Variants in ANKRD31 observed in about 807,000 individuals in gnomAD.
ANKRD31 encodes the protein ankyrin repeat domain 31.
ANKRD31 carries 147 observed loss-of-function variants against 186.0 expected under a neutral mutation model. The observed-to-expected ratio is 0.79, with a 90% confidence interval of 0.69 to 0.91. The LOEUF is 0.91. ANKRD31 is among the 40% of genes least tolerant of loss of function. The pLI, the probability that ANKRD31 is intolerant of heterozygous loss-of-function variation, is 0.00. For synonymous variants in ANKRD31, 673 were observed against 736.4 expected (o/e 0.91, Z 1.39); for missense variants, 1,986 against 2,148.8 (o/e 0.92, Z 1.50).
At chr5:75,112,705 TA>T (rs1017508384) in intron 19 of ANKRD31, 105 bp from the exon 20 acceptor site, 12 of 668,006 alleles carry the variant, frequency 1.8e-5, no homozygotes, top group Non-Finnish European at 2.7e-5. Flanking sequence ...AAAGTGTTCC[TA>T]AAAATGCTCA....
chr5:75,132,155 C>A (rs185728223), intron 17 of ANKRD31, among the ~76,000 whole-genome samples: 1 of 152,324 alleles, frequency 6.6e-6, no homozygotes, highest in East Asian at 1.9e-4. Context: ...CAAAGATGGA[C>A]AGAGAATGAC....
chr5:75,228,529 G>C (rs994485264), intron 2 of ANKRD31, among the ~76,000 whole-genome samples: 7 of 151,210 alleles, frequency 4.6e-5, no homozygotes, highest in African/African-American at 1.7e-4. Context: ...AAAGGTTGAA[G>C]TAAATAAATA....
intron 11 of ANKRD31, among the ~76,000 whole-genome samples, chr5:75,160,230 G>A (rs970621774): frequency 9.9e-5 from 15 of 151,914 alleles, no homozygotes; most frequent in African/African-American, 2.2e-4. Context: ...TTTGTTATAC[G>A]GAAACAATGT....
intron 18 of ANKRD31, 39 bp downstream of exon 18, chr5:75,118,096 T>G (rs1018334473): frequency 5.9e-5 from 77 of 1,312,102 alleles, no homozygotes; most frequent in Non-Finnish European, 5.1e-5. Context: ...AGCAGAGATA[T>G]ATCTCTATAT....
At chr5:75,235,273 T>G (rs544763257) in intron 1 of ANKRD31, among the ~76,000 whole-genome samples, 33 of 134,526 alleles carry the variant, frequency 2.5e-4, no homozygotes, top group African/African-American at 9.3e-4. Context: ...TGAGATAGAG[T>G]CTCACTCTGT....
At chr5:75,115,577 C>G (rs1316917404) in intron 19 of ANKRD31, among the ~76,000 whole-genome samples, 1 of 151,390 alleles carries the variant, frequency 6.6e-6, no homozygotes, top group Admixed American at 6.6e-5. Context: ...AAACAAACAA[C>G]CCCATCAAAA....
At position 75,195,615 on chromosome 5, in the gene ANKRD31, G is replaced by T; in HGVS notation, c.1017+16C>A. ...TGTTCAAATGGTGGAGTAGAACAAAGAAATTCAAAATTCACCTCTGCTATT... is the reference window on the plus strand; with the variant it reads ...TGTTCAAATGGTGGAGTAGAACAAATAAATTCAAAATTCACCTCTGCTATT... On this transcript the variant is annotated intron_variant, in intron 7 of 25. Coordinates refer to ENST00000506364, the MANE Select transcript of ANKRD31 (RefSeq NM_001372053.1). 6.7e-7 allele frequency: 1 copy of T among 1,492,634 alleles called. No individual in the cohort carries two copies. The highest frequency in any genetic ancestry group is 8.9e-7 in the Non-Finnish European group (1 of 1,123,812). 92.5% of individuals were successfully genotyped at this position (1,492,634 alleles called of 1,614,324 possible). A position where few individuals can be genotyped will look rare whatever the true frequency, so the allele number is the denominator to read the frequency against.
intron 23 of ANKRD31, among the ~76,000 whole-genome samples, chr5:75,087,528 G>A (rs1214649753): frequency 6.6e-6 from 1 of 151,728 alleles, no homozygotes; most frequent in East Asian, 1.9e-4. Flanking sequence ...AAAAAAGAAA[G>A]AAAAGAAATC....
intron 10 of ANKRD31, among the ~76,000 whole-genome samples, chr5:75,176,665 T>A (rs1296640992): frequency 6.6e-6 from 1 of 152,172 alleles, no homozygotes; most frequent in Non-Finnish European, 1.5e-5. Context: ...GACCTGCAGC[T>A]GAGGTTCCTG....
At chr5:75,087,629 A>G (rs1312987969) in intron 23 of ANKRD31, among the ~76,000 whole-genome samples, 7 of 152,232 alleles carry the variant, frequency 4.6e-5, no homozygotes, top group African/African-American at 1.4e-4. Flanking sequence ...GAGGAGTAGA[A>G]GGAAGAAAGA....
At chr5:75,149,579 G>T (rs1751712459) in intron 12 of ANKRD31, among the ~76,000 whole-genome samples, 1 of 151,798 alleles carries the variant, frequency 6.6e-6, no homozygotes. Flanking sequence ...CGTCTCTGGG[G>T]ACTCAATCCA....
rs762320086 is a variant in ANKRD31 at position 75,091,382 on chromosome 5, C to T, written c.5351G>A (p.Ser1784Asn). ...FKTQETTHKA[S>N]ILLNGKLKVE... is the part of the protein sequence containing the mutation. ...CTTAAGTTTACCATTCAATAAAATA[C>T]TGGCTTTGTGGGTAGTCTCCTGAAG... Residue 1784 changes from serine (S) to asparagine (N), a missense_variant, in exon 23 of 26, where the codon AGT (serine) becomes AAT (asparagine). Physicochemically the swap from Ser to Asn is conservative, Grantham distance 46 (BLOSUM62 1). Transcript: ENST00000506364. 13 of 1,536,446 alleles carry T rather than the reference C, an allele frequency of 8.5e-6. No homozygotes were observed. The highest frequency in any genetic ancestry group is 2.0e-5 in the Admixed American group (1 of 50,740).
At chr5:75,206,231 A>T (rs1756180391) in intron 5 of ANKRD31, among the ~76,000 whole-genome samples, 180 bp downstream of exon 5, 2 of 22,640 alleles carry the variant, frequency 8.8e-5, no homozygotes, top group African/African-American at 1.8e-4. Flanking sequence ...AAAAAAAAAA[A>T]AAAAAAAAAA....
rs1410995454 is a variant in ANKRD31, at chr5:75,104,382, T to C, written c.5177A>G (p.Gln1726Arg). The C allele has an allele frequency of 6.5e-7, 1 of 1,537,222 alleles. No individual in the cohort carries two copies. Residue 1726 changes from glutamine (Q) to arginine (R), a missense_variant, in exon 22 of 26, where the codon CAG (glutamine) becomes CGG (arginine). Gln to Arg is a conservative substitution (Grantham distance 43, BLOSUM62 1). Coordinates refer to ENST00000506364, the MANE Select transcript of ANKRD31 (RefSeq NM_001372053.1). ...VSVVPCADDS[Q>R]ISSSSGSGQQ... ...CCCAGATCCAGAGGAAGAGGAGATC[T>C]GACTGTCATCTGCACATGGAACAAC...
chr5:75,226,223 G>T (rs1757618321), intron 2 of ANKRD31, among the ~76,000 whole-genome samples: 2 of 152,178 alleles, frequency 1.3e-5, no homozygotes, highest in Non-Finnish European at 2.9e-5. Context: ...CCTGCCCGAG[G>T]ATTTGGGGAG....
At chr5:75,154,090 G>T in intron 12 of ANKRD31, 111 bp downstream of exon 12, 1 of 1,081,784 alleles carries the variant, frequency 9.2e-7, no homozygotes, top group South Asian at 3.0e-5. Flanking sequence ...CTATTGGATG[G>T]ATTTTCTCAA....
chr5:75,127,431 G>A (rs1749342939), intron 17 of ANKRD31, among the ~76,000 whole-genome samples: 2 of 152,212 alleles, frequency 1.3e-5, no homozygotes, highest in South Asian at 4.1e-4. Flanking sequence ...GTACAGGACA[G>A]CACTCTTTAA....
chr5:75,116,564 A>G lies in ANKRD31; in HGVS notation c.4155+2T>C. ...GAACAAAGTAATTTTAACTTCACTCACCACAGAAAGGCTTTCTCTTGATCT... is the reference window on the plus strand; with the variant it reads ...GAACAAAGTAATTTTAACTTCACTCGCCACAGAAAGGCTTTCTCTTGATCT... On this transcript the variant is annotated splice_donor_variant, in intron 19 of 25. Coordinates refer to ENST00000506364, the MANE Select transcript of ANKRD31 (RefSeq NM_001372053.1). LOFTEE classifies it high-confidence loss of function. 1.5e-6 allele frequency: 2 copies of G among 1,370,750 alleles called. No individual in the cohort carries two copies. Among genetic ancestry groups the G allele is most frequent in the Non-Finnish European group, 1.9e-6 (2 of 1,056,482 alleles). 84.9% of individuals were successfully genotyped at this position (1,370,750 alleles called of 1,614,324 possible). A position where few individuals can be genotyped will look rare whatever the true frequency, so the allele number is the denominator to read the frequency against.
At chr5:75,080,208 A>G (rs1262470164) in intron 25 of ANKRD31, among the ~76,000 whole-genome samples, 2 of 152,246 alleles carry the variant, frequency 1.3e-5, no homozygotes, top group African/African-American at 4.8e-5. Flanking sequence ...AGCCTATAAG[A>G]TCTAGGTATG....
Sources: allele counts gnomAD v4.1 joint callset (sites outside exome capture counted in the v4.1 genomes callset), GRCh38; gene constraint gnomAD v4.1.1; transcripts MANE v1.5; gene names NCBI Gene and HGNC (gene_info 2026-07-23, HGNC 2026-07-21).